The following ATF7IP variants were observed in gnomAD, a reference collection of about 807,000 sequenced individuals.
ATF7IP encodes activating transcription factor 7-interacting protein 1.
Under a neutral mutation model 106.4 loss-of-function variants are expected in ATF7IP, and 23 were observed. That is an observed-to-expected ratio of 0.22 (90% CI 0.16 to 0.31). ATF7IP has a LOEUF of 0.31. Among genes scored for constraint, ATF7IP ranks in the 10% least tolerant of loss-of-function variants. The pLI is 1.00. For synonymous variants in ATF7IP, 542 were observed against 539.0 expected, an observed-to-expected ratio of 1.01 and a Z score of -0.08; for missense variants, 1,334 against 1,524.3, an observed-to-expected ratio of 0.88 and a Z score of 2.08.
At chr12:14,472,561 C>A (rs2136775382) in intron 10 of ATF7IP, among the ~76,000 whole-genome samples, 1 of 152,190 alleles carries the variant, frequency 6.6e-6, no homozygotes, top group Middle Eastern at 3.4e-3. Context: ...CCACCCTGGT[C>A]CAGATCTTTC....
At chr12:14,441,303 G>T (rs948934809) in intron 5 of ATF7IP, among the ~76,000 whole-genome samples, 17 of 151,848 alleles carry the variant, frequency 1.1e-4, no homozygotes, top group African/African-American at 3.9e-4. Flanking sequence ...ATCTCATTAG[G>T]GTTTTGATTT....
intron 11 of ATF7IP, 61 bp downstream of exon 11, chr12:14,476,029 G>A (rs777887095): frequency 2.5e-6 from 3 of 1,185,824 alleles, no homozygotes; most frequent in Non-Finnish European, 3.8e-6. Flanking sequence ...TCTTAATACG[G>A]TACAGTATTC....
Position 14,467,486 on chromosome 12 carries a change from G to T in ATF7IP, c.2862+896G>T, listed in dbSNP as rs150394766. Reference sequence around the variant, plus strand: ...GTGTGCAGTATTAGAGATCAGAGTTGTGATTGTTTCTGAGCATGTCTTGTG... The same window carrying T: ...GTGTGCAGTATTAGAGATCAGAGTTTTGATTGTTTCTGAGCATGTCTTGTG... On this transcript the variant is annotated intron_variant, in intron 10 of 14. Coordinates refer to ENST00000261168, the MANE Select transcript of ATF7IP (RefSeq NM_018179.5). 4.5e-3 allele frequency among the ~76,000 whole-genome samples: 679 copies of T among 152,220 alleles called. 4 individuals carry two copies. The highest frequency in any genetic ancestry group is 0.015 in the East Asian group (79 of 5,182).
intron 1 of ATF7IP, among the ~76,000 whole-genome samples, chr12:14,418,048 A>T (rs1427766768): frequency 6.6e-6 from 1 of 152,132 alleles, no homozygotes; most frequent in Non-Finnish European, 1.5e-5. Flanking sequence ...GAGGGGGATG[A>T]AGCAGAGAAG....
chr12:14,480,865 A>G, intron 12 of ATF7IP, 138 bp from the exon 13 acceptor site: 1 of 710,178 alleles, frequency 1.4e-6, no homozygotes, highest in South Asian at 2.0e-5. Flanking sequence ...ATCTTAGAAG[A>G]TCATAAAAGG....
chr12:14,440,863 G>A (rs1172889989), intron 5 of ATF7IP, among the ~76,000 whole-genome samples: 2 of 152,120 alleles, frequency 1.3e-5, no homozygotes, highest in Admixed American at 1.3e-4. Context: ...CTTTCACTTA[G>A]CGTGTTTTCC....
rs972630255 is a variant in ATF7IP, at chr12:14,385,409, C to A, written c.-8+19582C>A. 3 of 1,532,058 alleles carry A rather than the reference C, an allele frequency of 2.0e-6. No homozygotes were observed. In the East Asian group the frequency reaches 7.4e-5, roughly 38 times the overall value. The allele number at this position is 1,532,058 out of a possible 1,614,324, so 94.9% of individuals were successfully genotyped here. ...ATGCATCAGGACCAGAGGTAAGAAC[C>A]AATTACTCTTTTATCTTAAACATTC... On this transcript the variant is annotated intron_variant, in intron 1 of 14. Coordinates refer to ENST00000261168, the MANE Select transcript of ATF7IP (RefSeq NM_018179.5).
In ATF7IP at chr12:14,498,100, T is replaced by C. The variant is rs1432612246; in HGVS notation, c.*27T>C. The C allele has an allele frequency of 2.0e-6, 3 of 1,527,886 alleles. No homozygotes were observed. The allele number at this position is 1,527,886 out of a possible 1,614,324, so 94.6% of individuals were successfully genotyped here. A position where few individuals can be genotyped will look rare whatever the true frequency, so the allele number is the denominator to read the frequency against. ...CCTTGGAGCCTTTATATTTTCCTCT[T>C]TTAAAATTTCCACCTTTTGGTCTTG... On this transcript the variant is annotated 3_prime_UTR_variant, in exon 15 of 15. Coordinates refer to ENST00000261168, the MANE Select transcript of ATF7IP (RefSeq NM_018179.5).
chr12:14,368,722 T>C (rs1159759408), intron 1 of ATF7IP, among the ~76,000 whole-genome samples: 4 of 152,280 alleles, frequency 2.6e-5, no homozygotes, highest in Middle Eastern at 3.4e-3. Flanking sequence ...GAATTTGTTA[T>C]TGTTTTATAT....
intron 6 of ATF7IP, among the ~76,000 whole-genome samples, chr12:14,451,913 A>C (rs1943216382): frequency 6.6e-6 from 1 of 152,018 alleles, no homozygotes; most frequent in South Asian, 2.1e-4. Flanking sequence ...TTCTGTGTTG[A>C]TATTCTGTCT....
intron 13 of ATF7IP, among the ~76,000 whole-genome samples, chr12:14,490,244 G>C (rs1374069667): frequency 6.6e-6 from 1 of 152,198 alleles, no homozygotes; most frequent in East Asian, 1.9e-4. Flanking sequence ...TCATCCTATG[G>C]ACTTGATTAT....
At chr12:14,476,660 T>C (rs1472639595) in intron 11 of ATF7IP, among the ~76,000 whole-genome samples, 2 of 152,104 alleles carry the variant, frequency 1.3e-5, no homozygotes, top group Non-Finnish European at 2.9e-5. Context: ...AGCTCTTCTG[T>C]CTCTACATTA....
chr12:14,432,881 A>T (rs1282009573), intron 2 of ATF7IP, among the ~76,000 whole-genome samples: 1 of 152,218 alleles, frequency 6.6e-6, no homozygotes, highest in Non-Finnish European at 1.5e-5. Flanking sequence ...GAAGTCAAAC[A>T]TCTTAATGAA....
intron 2 of ATF7IP, among the ~76,000 whole-genome samples, chr12:14,430,218 G>A (rs1272051158): frequency 6.6e-6 from 1 of 152,188 alleles, no homozygotes. Context: ...TAAAAACACT[G>A]TTTTGAGGAG....
chr12:14,449,844 A>T (rs959551489), intron 6 of ATF7IP, among the ~76,000 whole-genome samples: 1 of 151,926 alleles, frequency 6.6e-6, no homozygotes, highest in African/African-American at 2.4e-5. Context: ...ATGTCTTTTC[A>T]CTTATTTGTG....
chr12:14,495,663 C>T (rs1337513863), intron 13 of ATF7IP, among the ~76,000 whole-genome samples: 1 of 152,110 alleles, frequency 6.6e-6, no homozygotes, highest in African/African-American at 2.4e-5. Flanking sequence ...TATCCTCAAC[C>T]AAGGAGCTGG....
intron 1 of ATF7IP, among the ~76,000 whole-genome samples, chr12:14,416,570 A>G (rs1223336135): frequency 1.3e-5 from 2 of 152,190 alleles, no homozygotes; most frequent in Non-Finnish European, 2.9e-5. Flanking sequence ...TGACCCAACA[A>G]TCGTGGTACT....
Position 14,470,490 on chromosome 12 carries a change from C to T in ATF7IP, c.2862+3900C>T, listed in dbSNP as rs116118989. Among the ~76,000 whole-genome samples, 618 of 152,230 alleles carry T rather than the reference C, an allele frequency of 4.1e-3. 4 individuals carry two copies. Among genetic ancestry groups the T allele is most frequent in the African/African-American group, 0.014 (593 of 41,536 alleles). ...TTTGTCAGGAAAAGATGTAAAGATA[C>T]ATGTATATGTATACATGTCTCTGTT... On this transcript the variant is annotated intron_variant, in intron 10 of 14. Transcript: ENST00000261168.
rs1349885534 is a variant in ATF7IP at position 14,424,927 on chromosome 12, A to G, written c.1012A>G (p.Lys338Glu). 1 of 1,605,108 alleles carries G rather than the reference A, an allele frequency of 6.2e-7. No individual in the cohort carries two copies. The highest frequency in any genetic ancestry group is 1.4e-5 in the African/African-American group (1 of 74,062). The change falls in exon 2 of 15, where the codon AAA becomes GAA. Residue 338 changes from lysine (K) to glutamate (E), a missense_variant. Physicochemically the swap from Lys to Glu is moderately conservative, Grantham distance 56. Around this residue, in one of 10 missense-constraint regions of ATF7IP, gnomAD observed 438 missense variants for 405.3 expected, o/e 1.08. Transcript: ENST00000261168. ...QIQSKDSLDE[K>E]NKADNNIDAN... The stretch of plus-strand genomic sequence containing the variant: ...TCAGAGTAAAGACTCATTGGATGAG[A>G]AAAATAAAGCTGATAATAATATTGA...
Sources: allele counts gnomAD v4.1 joint callset (sites outside exome capture counted in the v4.1 genomes callset), GRCh38; gene constraint gnomAD v4.1.1; regional missense constraint gnomAD v4.1.1; transcripts MANE v1.5; gene names NCBI Gene and HGNC (gene_info 2026-07-23, HGNC 2026-07-21).